Variants in PRDM2 observed in about 807,000 individuals in gnomAD.
PRDM2 encodes PR domain zinc finger protein 2.
In PRDM2, 30 loss-of-function variants were observed where a neutral mutation model predicts 130.0. The ratio of observed to expected loss-of-function variants is 0.23; its 90% CI spans 0.17 to 0.31. The LOEUF is 0.31. Among genes scored for constraint, PRDM2 ranks in the 10% least tolerant of loss-of-function variants. The pLI is 1.00. For missense variants in PRDM2, 2,011 were observed against 2,108.4 expected, an observed-to-expected ratio of 0.95 and a Z score of 0.90; for synonymous variants, 871 against 782.4, an observed-to-expected ratio of 1.11 and a Z score of -1.89.
At chr1:13,784,789 C>A (rs186954801) in intron 8 of PRDM2, among the ~76,000 whole-genome samples, 1 of 152,150 alleles carries the variant, frequency 6.6e-6, no homozygotes, top group Non-Finnish European at 1.5e-5. Context: ...TTGTCCTAAC[C>A]GTAGATGGTA....
chr1:13,802,896 G>GC (rs1426602945), intron 8 of PRDM2, among the ~76,000 whole-genome samples: 1 of 152,252 alleles, frequency 6.6e-6, no homozygotes, highest in Non-Finnish European at 1.5e-5. Context: ...ATTTGGGGCA[G>GC]CCTAGAACCA....
At chr1:13,735,557 A>G (rs1321678467) in intron 4 of PRDM2, among the ~76,000 whole-genome samples, 1 of 151,766 alleles carries the variant, frequency 6.6e-6, no homozygotes, top group Non-Finnish European at 1.5e-5. Context: ...TTTCAAATAC[A>G]CTTAGTTGTT....
chr1:13,749,580 G>T, intron 6 of PRDM2, 93 bp downstream of exon 6: 2 of 874,430 alleles, frequency 2.3e-6, no homozygotes, highest in Non-Finnish European at 2.8e-6. Flanking sequence ...CCGACCGCGA[G>T]GCGGGTCGCG....
chr1:13,809,847 G>A (rs951363229), intron 8 of PRDM2, among the ~76,000 whole-genome samples: 1 of 152,206 alleles, frequency 6.6e-6, no homozygotes, highest in Non-Finnish European at 1.5e-5. Context: ...CGGCTTAAAT[G>A]ACAGAAATTT....
At chr1:13,759,830 A>G (rs1644053518) in intron 6 of PRDM2, among the ~76,000 whole-genome samples, 1 of 152,184 alleles carries the variant, frequency 6.6e-6, no homozygotes, top group South Asian at 2.1e-4. Context: ...TCCCTTTGAT[A>G]TCCAAGAAAA....
intron 5 of PRDM2, among the ~76,000 whole-genome samples, chr1:13,745,425 G>GTT (rs572467638): frequency 1.5e-4 from 21 of 139,238 alleles, no homozygotes; most frequent in South Asian, 2.3e-4. Flanking sequence ...TAAGCTAATG[G>GTT]TTTTTTTTTT....
chr1:13,787,169 C>T, intron 8 of PRDM2: 1 of 984,106 alleles, frequency 1.0e-6, no homozygotes, highest in African/African-American at 1.7e-5. Context: ...TTTGTATATC[C>T]AAATGGACGT....
chr1:13,732,940 C>G (rs573595050), intron 4 of PRDM2, 58 bp downstream of exon 4: 2 of 1,163,660 alleles, frequency 1.7e-6, no homozygotes, highest in African/African-American at 1.6e-5. Flanking sequence ...TTATTCTGTT[C>G]TCTCAGAATT....
At chr1:13,791,234 A>C (rs956210836) in intron 8 of PRDM2, among the ~76,000 whole-genome samples, 2 of 152,164 alleles carry the variant, frequency 1.3e-5, no homozygotes, top group Admixed American at 6.5e-5. Flanking sequence ...TGGGTAAGGA[A>C]ATCTTCCTGG....
intron 7 of PRDM2, among the ~76,000 whole-genome samples, chr1:13,774,967 CAAA>C (rs35869788): frequency 3.0e-5 from 3 of 99,470 alleles, no homozygotes; most frequent in African/African-American, 4.4e-5. Flanking sequence ...GACTCCGTCT[CAAA>C]AAAAAAAAAA....
chr1:13,754,258 A>G (rs1380378961), intron 6 of PRDM2, among the ~76,000 whole-genome samples: 1 of 152,132 alleles, frequency 6.6e-6, no homozygotes, highest in Non-Finnish European at 1.5e-5. Flanking sequence ...CAGGCGCTGC[A>G]CCAAGTGGCT....
intron 2 of PRDM2, among the ~76,000 whole-genome samples, chr1:13,729,487 A>G (rs1643030392): frequency 6.6e-6 from 1 of 152,212 alleles, no homozygotes; most frequent in Non-Finnish European, 1.5e-5. Flanking sequence ...GCCAATGCCA[A>G]CTACCAGTGT....
intron 5 of PRDM2, among the ~76,000 whole-genome samples, chr1:13,746,404 A>G (rs975865020): frequency 7.9e-5 from 12 of 151,652 alleles, no homozygotes; most frequent in Non-Finnish European, 1.8e-4. Context: ...AAATACTATT[A>G]TTTTTCCTCT....
At chr1:13,730,113 G>A (rs535610329) in intron 2 of PRDM2, among the ~76,000 whole-genome samples, 1 of 152,284 alleles carries the variant, frequency 6.6e-6, no homozygotes, top group South Asian at 2.1e-4. Flanking sequence ...AACACACTCA[G>A]ACTACAAAGC....
At chr1:13,775,470 G>A (rs1188663133) in intron 7 of PRDM2, among the ~76,000 whole-genome samples, 1 of 152,226 alleles carries the variant, frequency 6.6e-6, no homozygotes, top group East Asian at 1.9e-4. Context: ...TACTACTGTC[G>A]AATGACTGGT....
chr1:13,745,941 T>G (rs1321478395), intron 5 of PRDM2, among the ~76,000 whole-genome samples: 2 of 152,202 alleles, frequency 1.3e-5, no homozygotes, highest in African/African-American at 4.8e-5. Context: ...TATGAGTGGA[T>G]GTACTGTGTG....
At chr1:13,722,712 T>G (rs181400175) in intron 2 of PRDM2, 187 of 399,314 alleles carry the variant, frequency 4.7e-4, no homozygotes, top group African/African-American at 3.7e-3. Context: ...CCATTCTGTA[T>G]TAGAATCTTC....
intron 8 of PRDM2, among the ~76,000 whole-genome samples, chr1:13,808,642 C>T (rs1311218914): frequency 6.6e-6 from 1 of 152,130 alleles, no homozygotes; most frequent in Admixed American, 6.5e-5. Context: ...TGTCTGAGAA[C>T]AGCTGTGCAG....
chr1:13,746,851 C>T (rs1282359224), intron 5 of PRDM2, among the ~76,000 whole-genome samples: 1 of 152,216 alleles, frequency 6.6e-6, no homozygotes, highest in African/African-American at 2.4e-5. Context: ...GCCACTATGC[C>T]CGCTAATAAT....
Sources: gnomAD v4.1 joint callset for allele counts (sites outside exome capture counted in the v4.1 genomes callset) on GRCh38, gnomAD v4.1.1 for gene constraint, MANE v1.5 for transcripts, NCBI Gene and HGNC (gene_info 2026-07-23, HGNC 2026-07-21) for gene names.